SLC9B2: variants seen among roughly 807,000 people sequenced by gnomAD.
The protein encoded by SLC9B2 is solute carrier family 9 member B2.
In SLC9B2, 39 loss-of-function variants were observed where a neutral mutation model predicts 52.2. The observed-to-expected ratio is 0.75, with a 90% confidence interval of 0.58 to 0.98. The LOEUF (loss-of-function observed/expected upper bound fraction) is 0.98. SLC9B2 is among the 50% of genes least tolerant of loss of function. The pLI, the probability that SLC9B2 is intolerant of heterozygous loss-of-function variation, is 0.00. For synonymous variants in SLC9B2, 214 were observed against 227.0 expected, an observed-to-expected ratio of 0.94 and a Z score of 0.51; for missense variants, 626 against 637.5, an observed-to-expected ratio of 0.98 and a Z score of 0.19.
chr4:103,049,000 G>T lies in SLC9B2; in HGVS notation c.606C>A (p.Gly202=), dbSNP rs376080494. 1.6e-5 allele frequency: 26 copies of T among 1,613,228 alleles called. No homozygotes were observed. The highest frequency in any genetic ancestry group is 2.1e-5 in the Non-Finnish European group (25 of 1,179,606). Residue 202 remains glycine, a synonymous_variant, in exon 6 of 12, where the codon GGC becomes GGA. Coordinates refer to ENST00000394785, the MANE Select transcript of SLC9B2 (RefSeq NM_178833.7). ...LDSKALKKLK[G]VCVRLSMGPC... is the part of the protein sequence containing the mutation. Reference sequence around the variant, plus strand: ...GACCCATGGACAGTCTTACACAAACGCCCTTTAACTTCTTCAGGGCCTGAA... The same window carrying T: ...GACCCATGGACAGTCTTACACAAACTCCCTTTAACTTCTTCAGGGCCTGAA...
chr4:103,052,262 A>G (rs80337842), intron 4 of SLC9B2, among the ~76,000 whole-genome samples: 23 of 152,210 alleles, frequency 1.5e-4, no homozygotes, highest in African/African-American at 5.3e-4. Context: ...TGCAGTTCAC[A>G]ATAGAACTCA....
chr4:103,060,443 A>G (rs1745524237), intron 3 of SLC9B2, among the ~76,000 whole-genome samples: 1 of 151,092 alleles, frequency 6.6e-6, no homozygotes, highest in Non-Finnish European at 1.5e-5. Context: ...TCTAATTCTT[A>G]ACTTCTTTAT....
chr4:103,032,698 A>G (rs1742811592), intron 9 of SLC9B2, among the ~76,000 whole-genome samples: 1 of 152,134 alleles, frequency 6.6e-6, no homozygotes, highest in Non-Finnish European at 1.5e-5. Context: ...AGCAGCACCT[A>G]GTGGCCATTA....
At chr4:103,067,741 TG>T (rs375275030) in intron 1 of SLC9B2, 149 bp from the exon 2 acceptor site, 74 of 567,520 alleles carry the variant, frequency 1.3e-4, no homozygotes, top group Middle Eastern at 9.5e-4. Flanking sequence ...GGCTGGTTAT[TG>T]TTTTTGCTTG....
chr4:103,019,392 G>C (rs1459150386), downstream of SLC9B2, among the ~76,000 whole-genome samples: 1 of 152,220 alleles, frequency 6.6e-6, no homozygotes, highest in Non-Finnish European at 1.5e-5. Context: ...AGAGATGTGG[G>C]ATGACGGAGT....
At chr4:103,074,776 C>A (rs994570291) in intron 1 of SLC9B2, among the ~76,000 whole-genome samples, 3 of 152,158 alleles carry the variant, frequency 2.0e-5, no homozygotes, top group Non-Finnish European at 4.4e-5. Context: ...AAAACAACAA[C>A]AATAAAATAT....
At chr4:103,034,776 G>A (rs1348412438) in intron 9 of SLC9B2, among the ~76,000 whole-genome samples, 5 of 152,010 alleles carry the variant, frequency 3.3e-5, no homozygotes, top group African/African-American at 1.2e-4. Context: ...AGTCAGGATG[G>A]CTATTATTAT....
At chr4:103,031,867 AT>A in intron 9 of SLC9B2, 59 bp from the exon 10 acceptor site, 1 of 1,492,576 alleles carries the variant, frequency 6.7e-7, no homozygotes, top group Non-Finnish European at 9.2e-7. Flanking sequence ...AATGCAAAGA[AT>A]TTTATTAATT....
chr4:103,056,073 G>C (rs1343947778), intron 4 of SLC9B2, among the ~76,000 whole-genome samples: 2 of 151,968 alleles, frequency 1.3e-5, no homozygotes, highest in Non-Finnish European at 2.9e-5. Context: ...CAAAGTGCTG[G>C]GATTACAGGC....
intron 4 of SLC9B2, among the ~76,000 whole-genome samples, chr4:103,050,760 A>G (rs1241596208): frequency 2.6e-5 from 4 of 152,374 alleles, no homozygotes; most frequent in East Asian, 1.9e-4. Flanking sequence ...ATTACTTGAA[A>G]TATCAATAAA....
intron 1 of SLC9B2, among the ~76,000 whole-genome samples, chr4:103,072,517 T>C (rs923003314): frequency 5.3e-5 from 8 of 152,250 alleles, no homozygotes; most frequent in Admixed American, 1.3e-4. Flanking sequence ...TCTGTAAATA[T>C]GTTTTCACAT....
intron 1 of SLC9B2, among the ~76,000 whole-genome samples, chr4:103,070,497 G>A (rs1026038171): frequency 6.6e-6 from 1 of 152,332 alleles, no homozygotes; most frequent in East Asian, 1.9e-4. Context: ...CTATAGTGCA[G>A]TGGCATGATC....
At chr4:103,022,097 A>G (rs1741833105), downstream of SLC9B2, among the ~76,000 whole-genome samples, 1 of 152,208 alleles carries the variant, frequency 6.6e-6, no homozygotes. Context: ...TCACATTGTC[A>G]ATTTTCCACT....
Position 103,047,154 on chromosome 4 carries a change from ACCATAG to A in SLC9B2, c.780_785del (p.Tyr261_Gly262del), listed in dbSNP as rs1361309502. On this transcript the variant is annotated inframe_deletion, in exon 7 of 12. Transcript: ENST00000394785. ...GCAAGGTTGGGACACCCTTCTCAAC[ACCATAG>A]CCTCCTCCCTGCAAAAGGAGCATTG... is the stretch of plus-strand genomic sequence containing the variant. 1 of 1,613,954 alleles carries A rather than the reference ACCATAG, an allele frequency of 6.2e-7. No individual in the cohort carries two copies. The highest frequency in any genetic ancestry group is 1.7e-5 in the Admixed American group (1 of 59,958).
chr4:103,046,952 G>T, intron 7 of SLC9B2, 99 bp downstream of exon 7: 1 of 1,373,870 alleles, frequency 7.3e-7, no homozygotes, highest in Non-Finnish European at 1.0e-6. Flanking sequence ...TTTTTAATTT[G>T]CCTTAATCAA....
chr4:103,047,666 T>C (rs1026642448), intron 6 of SLC9B2, among the ~76,000 whole-genome samples: 5 of 151,816 alleles, frequency 3.3e-5, no homozygotes, highest in African/African-American at 1.2e-4. Context: ...GTCCTTGCGA[T>C]AGTTTGCTGA....
At chr4:103,040,420 G>A (rs1436260639) in intron 9 of SLC9B2, among the ~76,000 whole-genome samples, 1 of 152,148 alleles carries the variant, frequency 6.6e-6, no homozygotes, top group African/African-American at 2.4e-5. Flanking sequence ...CATCAGACAT[G>A]GGCTTATATA....
intron 3 of SLC9B2, among the ~76,000 whole-genome samples, chr4:103,065,038 CA>C (rs974711245): frequency 7.3e-5 from 11 of 151,030 alleles, no homozygotes; most frequent in African/African-American, 2.7e-4. Context: ...ACCTGGGCAA[CA>C]TAACAAGATC....
intron 1 of SLC9B2, among the ~76,000 whole-genome samples, chr4:103,072,170 T>C (rs1393260268): frequency 2.0e-5 from 3 of 148,352 alleles, no homozygotes; most frequent in African/African-American, 7.4e-5. Context: ...GCTATTCTCC[T>C]GCCTCAGCCT....
Sources: gnomAD v4.1 joint callset for allele counts (sites outside exome capture counted in the v4.1 genomes callset) on GRCh38, gnomAD v4.1.1 for gene constraint, MANE v1.5 for transcripts, NCBI Gene and HGNC (gene_info 2026-07-23, HGNC 2026-07-21) for gene names.